FREM2: variants seen among roughly 807,000 people sequenced by gnomAD.
FREM2 encodes FRAS1-related extracellular matrix protein 2.
Under a neutral mutation model 219.9 loss-of-function variants are expected in FREM2, and 119 were observed. The ratio of observed to expected loss-of-function variants is 0.54; its 90% CI spans 0.47 to 0.63. FREM2 has a LOEUF of 0.63. Ranked by LOEUF, FREM2 falls within the 30% of genes least tolerant of loss-of-function variation. The pLI is 0.00. For missense variants in FREM2, 4,030 were observed against 3,993.6 expected (o/e 1.01, Z -0.25); for synonymous variants, 1,562 against 1,522.8 (o/e 1.03, Z -0.60).
At chr13:38,786,057 G>A (rs1423649195) in intron 6 of FREM2, among the ~76,000 whole-genome samples, 1 of 152,148 alleles carries the variant, frequency 6.6e-6, no homozygotes, top group Non-Finnish European at 1.5e-5. Flanking sequence ...ATTTCTTTGT[G>A]TTGGGAATTA....
In FREM2 at chr13:38,769,939, G is replaced by T. The variant is rs548224980; in HGVS notation, c.5641+131G>T. The stretch of plus-strand genomic sequence containing the variant: ...CATAGAGAGAACCTTCTAGATTAAT[G>T]ATTCATTATTCTCAGATGTGTTGAC... On this transcript the variant is annotated intron_variant, in intron 4 of 23. Transcript: ENST00000280481. 5.0e-4 allele frequency: 372 copies of T among 737,764 alleles called. 1 individual carries two copies. The highest frequency in any genetic ancestry group is 6.7e-4 in the Non-Finnish European group (278 of 415,796). 45.7% of individuals were successfully genotyped at this position (737,764 alleles called of 1,614,324 possible). A position where few individuals can be genotyped will look rare whatever the true frequency, so the allele number is the denominator to read the frequency against.
At chr13:38,749,942 A>G (rs1179382823) in intron 2 of FREM2, among the ~76,000 whole-genome samples, 3 of 152,196 alleles carry the variant, frequency 2.0e-5, no homozygotes, top group African/African-American at 7.2e-5. Flanking sequence ...AACCAAGTGC[A>G]GCAAAACATA....
At chr13:38,748,412 C>A (rs1028989137) in intron 2 of FREM2, among the ~76,000 whole-genome samples, 2 of 152,146 alleles carry the variant, frequency 1.3e-5, no homozygotes, top group Non-Finnish European at 2.9e-5. Flanking sequence ...CTATTAGTGT[C>A]AAATATGACA....
At chr13:38,862,981 A>T (rs771223283) in intron 15 of FREM2, among the ~76,000 whole-genome samples, 1 of 152,130 alleles carries the variant, frequency 6.6e-6, no homozygotes, top group African/African-American at 2.4e-5. Flanking sequence ...AATATTTACT[A>T]TTTGACCCTT....
intron 4 of FREM2, among the ~76,000 whole-genome samples, chr13:38,778,382 G>A (rs552343135): frequency 1.2e-3 from 179 of 152,244 alleles, no homozygotes; most frequent in Non-Finnish European, 2.1e-3. Context: ...TTCAAAAGAC[G>A]TTTCCTTGGT....
At chr13:38,849,080 A>G (rs912727150) in intron 8 of FREM2, among the ~76,000 whole-genome samples, 4 of 152,136 alleles carry the variant, frequency 2.6e-5, no homozygotes, top group Admixed American at 6.6e-5. Context: ...TACTTCTGTC[A>G]AGACCCAGCC....
chr13:38,711,932 T>C (rs1174805625), intron 2 of FREM2, among the ~76,000 whole-genome samples: 2 of 149,066 alleles, frequency 1.3e-5, no homozygotes, highest in Non-Finnish European at 3.0e-5. Context: ...TTTTTTTTTT[T>C]TTTTTTGAGG....
chr13:38,738,273 C>T lies in FREM2; in HGVS notation c.5264-26031C>T, dbSNP rs149894038. ...TCTAGACAGACATGTGCAATGGAAA[C>T]GGGATAATTGGGCTGGGAGCAGTGG... On this transcript the variant is annotated intron_variant, in intron 2 of 23. Transcript: ENST00000280481. Among the ~76,000 whole-genome samples, 158 of 151,878 alleles carry T rather than the reference C, an allele frequency of 1.0e-3. 3 individuals carry two copies. Among genetic ancestry groups the T allele is most frequent in the South Asian group, 1.0e-3 (5 of 4,806 alleles).
rs148415419 is a variant in FREM2, at chr13:38,860,901, A to G, written c.7520-530A>G. Among the ~76,000 whole-genome samples, 54 of 152,280 alleles carry G rather than the reference A, an allele frequency of 3.5e-4. No homozygotes were observed. In the East Asian group the frequency reaches 0.01, roughly 29 times the overall value. On this transcript the variant is annotated intron_variant, in intron 14 of 23. Coordinates refer to ENST00000280481, the MANE Select transcript of FREM2 (RefSeq NM_207361.6). ...AAATTACATCTATAGAGAAAACTCTACTGTACATATTTTGCTCTCTGATTT... is the reference window on the plus strand; with the variant it reads ...AAATTACATCTATAGAGAAAACTCTGCTGTACATATTTTGCTCTCTGATTT...
intron 16 of FREM2, among the ~76,000 whole-genome samples, chr13:38,868,521 G>A (rs1878049636): frequency 6.6e-6 from 1 of 152,252 alleles, no homozygotes; most frequent in Admixed American, 6.5e-5. Flanking sequence ...GAATGTGAGT[G>A]AATGTGAGAA....
chr13:38,761,472 GAACGTA>G (rs1873221179), intron 2 of FREM2, among the ~76,000 whole-genome samples: 1 of 152,020 alleles, frequency 6.6e-6, no homozygotes, highest in African/African-American at 2.4e-5. Flanking sequence ...CCAATTAATG[GAACGTA>G]AACACAATAA....
At chr13:38,829,810 A>G (rs146230751) in intron 6 of FREM2, among the ~76,000 whole-genome samples, 8 of 152,158 alleles carry the variant, frequency 5.3e-5, no homozygotes, top group Non-Finnish European at 1.0e-4. Context: ...CGGAATACAC[A>G]GGTTTGGAGT....
intron 2 of FREM2, among the ~76,000 whole-genome samples, chr13:38,735,727 C>A (rs1393725885): frequency 1.3e-5 from 2 of 152,146 alleles, no homozygotes; most frequent in African/African-American, 4.8e-5. Context: ...GTAGGCCTAG[C>A]AGCTGAGGTT....
intron 2 of FREM2, among the ~76,000 whole-genome samples, chr13:38,745,029 T>C (rs1332047001): frequency 6.6e-6 from 1 of 152,216 alleles, no homozygotes. Flanking sequence ...CCTTGTTTTC[T>C]CTAAAGCAAA....
At chr13:38,722,151 C>G (rs1230965333) in intron 2 of FREM2, among the ~76,000 whole-genome samples, 1 of 152,116 alleles carries the variant, frequency 6.6e-6, no homozygotes, top group Non-Finnish European at 1.5e-5. Context: ...TCCCTAGTAG[C>G]TGAGCACCGT....
intron 2 of FREM2, among the ~76,000 whole-genome samples, chr13:38,726,005 TC>T (rs1871505683): frequency 6.6e-6 from 1 of 152,138 alleles, no homozygotes; most frequent in South Asian, 2.1e-4. Flanking sequence ...AGCCAACAGA[TC>T]AGGACAAATT....
intron 6 of FREM2, among the ~76,000 whole-genome samples, chr13:38,799,771 C>G (rs1874938327): frequency 6.6e-6 from 1 of 151,744 alleles, no homozygotes; most frequent in South Asian, 2.1e-4. Context: ...TCTGTTTTAC[C>G]TAATATAAGT....
chr13:38,830,924 C>T (rs1876483866), intron 6 of FREM2, among the ~76,000 whole-genome samples: 3 of 152,156 alleles, frequency 2.0e-5, no homozygotes, highest in South Asian at 4.1e-4. Context: ...TGTGTACATT[C>T]ACCTGAAACA....
intron 6 of FREM2, among the ~76,000 whole-genome samples, chr13:38,797,488 A>G (rs986443129): frequency 1.3e-5 from 2 of 152,102 alleles, no homozygotes; most frequent in East Asian, 3.9e-4. Flanking sequence ...TTTGAATACC[A>G]TGTATATTTT....
Sources: gnomAD v4.1 joint callset for allele counts (sites outside exome capture counted in the v4.1 genomes callset) on GRCh38, gnomAD v4.1.1 for gene constraint, MANE v1.5 for transcripts, NCBI Gene and HGNC (gene_info 2026-07-23, HGNC 2026-07-21) for gene names.